The following CNTNAP2 variants were observed in gnomAD, a reference collection of about 807,000 sequenced individuals.
CNTNAP2 encodes contactin associated protein 2.
CNTNAP2 carries 98 observed loss-of-function variants against 155.2 expected under a neutral mutation model. The observed-to-expected ratio is 0.63, with a 90% CI of 0.54 to 0.75. CNTNAP2 has a LOEUF of 0.75. CNTNAP2 is among the 30% of genes least tolerant of loss of function. The pLI is 0.00. For synonymous variants in CNTNAP2, 651 were observed against 631.2 expected, an observed-to-expected ratio of 1.03 and a Z score of -0.47; for missense variants, 1,727 against 1,688.1, an observed-to-expected ratio of 1.02 and a Z score of -0.40.
chr7:147,692,609 G>T (rs1796103548), intron 13 of CNTNAP2, among the ~76,000 whole-genome samples: 1 of 152,060 alleles, frequency 6.6e-6, no homozygotes, highest in Admixed American at 6.6e-5. Context: ...GATGACATGA[G>T]CATTTTTTCT....
At chr7:148,019,454 GTGTTTTGTTT>G (rs1256134226) in intron 15 of CNTNAP2, among the ~76,000 whole-genome samples, 2 of 151,930 alleles carry the variant, frequency 1.3e-5, no homozygotes, top group South Asian at 4.2e-4. Flanking sequence ...TTTTGTGTTT[GTGTTTTGTTT>G]TGTTTTGTTT....
chr7:146,924,302 T>G (rs1796562972), intron 3 of CNTNAP2, among the ~76,000 whole-genome samples: 1 of 152,144 alleles, frequency 6.6e-6, no homozygotes, highest in Non-Finnish European at 1.5e-5. Context: ...GAGGTCTAAT[T>G]CTGCACCACA....
At chr7:148,202,405 G>A (rs746285325) in intron 18 of CNTNAP2, among the ~76,000 whole-genome samples, 4 of 152,126 alleles carry the variant, frequency 2.6e-5, no homozygotes, top group Non-Finnish European at 5.9e-5. Flanking sequence ...TCACACACAC[G>A]CATTTTCCAG....
rs1798966082 is a variant in CNTNAP2 at position 148,375,437 on chromosome 7, G to GCAA, written c.3476-8210_3476-8208dup. ...CGCAATGCCGTGATCTCGGCTCACT[G>GCAA]CAACCTCTGCCTCCCAGGTTCAAGT... On this transcript the variant is annotated intron_variant, in intron 21 of 23. Transcript: ENST00000361727. 3.3e-5 allele frequency among the ~76,000 whole-genome samples: 5 copies of GCAA among 150,024 alleles called. 1 individual carries two copies. Among genetic ancestry groups the GCAA allele is most frequent in the African/African-American group, 1.2e-4 (5 of 41,072 alleles).
intron 3 of CNTNAP2, among the ~76,000 whole-genome samples, chr7:146,933,742 GAAAA>G (rs1048726951): frequency 6.7e-6 from 1 of 148,444 alleles, no homozygotes; most frequent in Non-Finnish European, 1.5e-5. Flanking sequence ...AAATTTACAA[GAAAA>G]AAAAACAAAC....
At chr7:148,099,570 CT>C (rs930780892) in intron 15 of CNTNAP2, among the ~76,000 whole-genome samples, 3 of 151,946 alleles carry the variant, frequency 2.0e-5, no homozygotes, top group Non-Finnish European at 4.4e-5. Context: ...AGAAGGTCCC[CT>C]TTTCCCCCAA....
rs561265256 is a variant in CNTNAP2, at chr7:147,369,091, CTT to C, written c.1499-26516_1499-26515del. 1.2e-3 allele frequency among the ~76,000 whole-genome samples: 190 copies of C among 152,274 alleles called. 1 individual carries two copies. The highest frequency in any genetic ancestry group is 4.4e-3 in the African/African-American group (181 of 41,550). On this transcript the variant is annotated intron_variant, in intron 9 of 23. Coordinates refer to ENST00000361727, the MANE Select transcript of CNTNAP2 (RefSeq NM_014141.6). Reference sequence around the variant, plus strand: ...ATACAACGGAAAAAAGTATGGGAGACTTTGAATACTTTCTAACCACGTTAAAT... The same window carrying C: ...ATACAACGGAAAAAAGTATGGGAGACTGAATACTTTCTAACCACGTTAAAT...
intron 1 of CNTNAP2, among the ~76,000 whole-genome samples, chr7:146,543,061 G>A (rs1017770701): frequency 2.0e-5 from 3 of 151,804 alleles, no homozygotes; most frequent in African/African-American, 7.3e-5. Flanking sequence ...GATTTTAAAT[G>A]TTCTTGCCAC....
intron 10 of CNTNAP2, among the ~76,000 whole-genome samples, chr7:147,482,542 C>A (rs1186998840): frequency 6.6e-6 from 1 of 151,362 alleles, no homozygotes; most frequent in Admixed American, 6.6e-5. Flanking sequence ...CACAGTGAAA[C>A]CCCGTCCCTA....
At chr7:147,960,200 A>G (rs774958782) in intron 14 of CNTNAP2, among the ~76,000 whole-genome samples, 6 of 152,144 alleles carry the variant, frequency 3.9e-5, no homozygotes, top group Non-Finnish European at 5.9e-5. Context: ...GTGTTCCTGC[A>G]TGGGTGAGGG....
At chr7:146,894,429 T>C (rs1795837264) in intron 3 of CNTNAP2, among the ~76,000 whole-genome samples, 1 of 152,144 alleles carries the variant, frequency 6.6e-6, no homozygotes, top group Non-Finnish European at 1.5e-5. Context: ...ACTCTGTGTG[T>C]TTTTTGTTGT....
intron 18 of CNTNAP2, among the ~76,000 whole-genome samples, chr7:148,186,520 G>C (rs952563411): frequency 3.3e-5 from 5 of 152,114 alleles, no homozygotes; most frequent in African/African-American, 1.2e-4. Flanking sequence ...GAGAGCCCGG[G>C]ACCACATGAG....
chr7:146,270,722 A>T (rs1800068256), intron 1 of CNTNAP2, among the ~76,000 whole-genome samples: 1 of 152,176 alleles, frequency 6.6e-6, no homozygotes, highest in Admixed American at 6.5e-5. Context: ...GTCTCTTAAA[A>T]AAGCACATCA....
intron 2 of CNTNAP2, among the ~76,000 whole-genome samples, chr7:146,824,495 C>T (rs1803360999): frequency 6.6e-6 from 1 of 152,070 alleles, no homozygotes; most frequent in South Asian, 2.1e-4. Context: ...CTAATTTTCA[C>T]TCCTACCAAC....
intron 11 of CNTNAP2, among the ~76,000 whole-genome samples, chr7:147,542,369 A>T (rs943687844): frequency 6.6e-6 from 1 of 152,054 alleles, no homozygotes; most frequent in East Asian, 1.9e-4. Context: ...AGCAGAAGTG[A>T]CATCACCTGG....
chr7:147,874,354 T>C (rs796558170), intron 13 of CNTNAP2, among the ~76,000 whole-genome samples: 6 of 152,352 alleles, frequency 3.9e-5, no homozygotes, highest in African/African-American at 1.4e-4. Flanking sequence ...CTCTGAAATC[T>C]AGGTGGAGGT....
intron 5 of CNTNAP2, among the ~76,000 whole-genome samples, chr7:147,111,470 A>C (rs1800878512): frequency 6.6e-6 from 1 of 152,166 alleles, no homozygotes; most frequent in Admixed American, 6.5e-5. Context: ...GGAATTGCCT[A>C]TATAGTCTTC....
intron 9 of CNTNAP2, among the ~76,000 whole-genome samples, chr7:147,371,575 T>C (rs972650460): frequency 6.6e-6 from 1 of 152,174 alleles, no homozygotes; most frequent in Non-Finnish European, 1.5e-5. Context: ...ATGCCTTTCC[T>C]CTTGACTGAA....
chr7:146,542,538 C>G (rs1252926737), intron 1 of CNTNAP2, among the ~76,000 whole-genome samples: 1 of 151,844 alleles, frequency 6.6e-6, no homozygotes. Flanking sequence ...GCCATCTTAT[C>G]AGGTAATTTT....
Sources: allele counts gnomAD v4.1 joint callset (sites outside exome capture counted in the v4.1 genomes callset), GRCh38; gene constraint gnomAD v4.1.1; transcripts MANE v1.5; gene names NCBI Gene and HGNC (gene_info 2026-07-23, HGNC 2026-07-21).